PAX7: variants seen among roughly 807,000 people sequenced by gnomAD.
PAX7 encodes the protein paired box 7.
PAX7 carries 18 observed loss-of-function variants against 50.7 expected under a neutral mutation model. The observed-to-expected ratio is 0.36, with a 90% confidence interval of 0.25 to 0.53. The LOEUF (loss-of-function observed/expected upper bound fraction) is 0.53. Among genes scored for constraint, PAX7 ranks in the 20% least tolerant of loss-of-function variants. PAX7 has a pLI of 0.93. For missense variants in PAX7, 644 were observed against 702.9 expected (o/e 0.92, Z 0.95); for synonymous variants, 310 against 290.4 (o/e 1.07, Z -0.69).
chr1:18,735,862 C>T lies in PAX7; in HGVS notation c.1386C>T (p.Tyr462=), dbSNP rs570561092. ...TGGACCCCGTGGCCGGCTATCAGTACGGCCAGTACGGCCAGAGTGAGTGCC... is the reference window on the plus strand; with the variant it reads ...TGGACCCCGTGGCCGGCTATCAGTATGGCCAGTACGGCCAGAGTGAGTGCC... The part of the protein sequence containing the change: ...YSVDPVAGYQ[Y]GQYGQTAVDY... The change falls in exon 8 of 9, where the codon TAC becomes TAT. Residue 462 remains tyrosine, a synonymous_variant. Transcript: ENST00000420770. The surrounding 1 kb of genome is among the most constrained non-coding windows in gnomAD (Gnocchi z 4.0). 4.2e-5 allele frequency: 68 copies of T among 1,614,002 alleles called. No homozygotes were observed. The highest frequency in any genetic ancestry group is 1.6e-4 in the Middle Eastern group (1 of 6,062).
At chr1:18,694,315 C>A (rs2089120804) in intron 5 of PAX7, among the ~76,000 whole-genome samples, 1 of 151,730 alleles carries the variant, frequency 6.6e-6, no homozygotes, top group Non-Finnish European at 1.5e-5. Context: ...CAAAATTAGC[C>A]GGGCATGCTA....
At chr1:18,727,371 T>TACACATAC (rs2089587609) in intron 7 of PAX7, among the ~76,000 whole-genome samples, 34 of 134,082 alleles carry the variant, frequency 2.5e-4, no homozygotes, top group African/African-American at 9.3e-4. Context: ...CTCTCTCTCA[T>TACACATAC]ACACACACAC....
chr1:18,649,010 C>T (rs2100452635), intron 4 of PAX7, among the ~76,000 whole-genome samples: 1 of 152,256 alleles, frequency 6.6e-6, no homozygotes, highest in East Asian at 1.9e-4. Context: ...GGTACTGAGC[C>T]CGTGACTGGC....
Position 18,656,358 on chromosome 1 carries a change from G to A in PAX7, c.586+19987G>A, listed in dbSNP as rs986805512. Among the ~76,000 whole-genome samples the A allele has an allele frequency of 8.5e-5, 13 of 152,228 alleles. No individual in the cohort carries two copies. The East Asian group carries it at 1.9e-3, about 23-fold the overall frequency. On this transcript the variant is annotated intron_variant, in intron 4 of 8. Transcript: ENST00000420770. The stretch of plus-strand genomic sequence containing the variant: ...AAAATACAAAAAACAAATTAGCCAG[G>A]TGAGGTGGTGCACACCTGTAATCCC...
At chr1:18,693,785 G>C (rs1276723402) in intron 5 of PAX7, among the ~76,000 whole-genome samples, 3 of 152,130 alleles carry the variant, frequency 2.0e-5, no homozygotes, top group Admixed American at 2.0e-4. Context: ...GCGCTTTCTC[G>C]TTCCCACGTC....
chr1:18,664,290 C>T (rs2088637051), intron 4 of PAX7, among the ~76,000 whole-genome samples: 1 of 152,230 alleles, frequency 6.6e-6, no homozygotes, highest in East Asian at 1.9e-4. Flanking sequence ...TGATCTCGTG[C>T]CTCTGAGGCG....
In PAX7 at chr1:18,660,943, G is replaced by C. The variant is rs1163196812; in HGVS notation, c.586+24572G>C. ...AAATGGAGCAAAAGCTACTTTGCTC[G>C]TTAGGGTTTTGTAAGGCTGAAGTGA... On this transcript the variant is annotated intron_variant, in intron 4 of 8. Coordinates refer to ENST00000420770, the MANE Select transcript of PAX7 (RefSeq NM_001135254.2). Among the ~76,000 whole-genome samples, 7 of 152,274 alleles carry C rather than the reference G, an allele frequency of 4.6e-5. No homozygotes were observed. In the East Asian group the frequency reaches 1.4e-3, roughly 29 times the overall value.
In PAX7 at chr1:18,726,685, C is replaced by G. The variant is rs1046515686; in HGVS notation, c.1156-8947C>G. Among the ~76,000 whole-genome samples, 3 of 152,214 alleles carry G rather than the reference C, an allele frequency of 2.0e-5. No individual in the cohort carries two copies. The highest frequency in any genetic ancestry group is 7.2e-5 in the African/African-American group (3 of 41,456). ...CTCACAGCCTCTTTTGGCTGCACCT[C>G]CCAGGGTCTCTCCCTCACACACCAG... On this transcript the variant is annotated intron_variant, in intron 7 of 8. Coordinates refer to ENST00000420770, the MANE Select transcript of PAX7 (RefSeq NM_001135254.2). The surrounding 1 kb of genome is among the most constrained non-coding windows in gnomAD (Gnocchi z 4.8).
At chr1:18,730,047 C>T (rs192462441) in intron 7 of PAX7, among the ~76,000 whole-genome samples, 155 of 152,182 alleles carry the variant, frequency 1.0e-3, no homozygotes, top group African/African-American at 3.3e-3. Context: ...CCTTCTAATC[C>T]AGGCAGAAGA....
At chr1:18,644,533 A>T (rs1216029143) in intron 4 of PAX7, among the ~76,000 whole-genome samples, 1 of 152,048 alleles carries the variant, frequency 6.6e-6, no homozygotes, top group African/African-American at 2.4e-5. Context: ...AGAATTTTTC[A>T]TCTAGTATAA....
At position 18,634,230 on chromosome 1, in the gene PAX7, G is replaced by A; in HGVS notation, c.86-73G>A. On this transcript the variant is annotated intron_variant, in intron 1 of 8. Coordinates refer to ENST00000420770, the MANE Select transcript of PAX7 (RefSeq NM_001135254.2). The surrounding 1 kb of genome is among the most constrained non-coding windows in gnomAD (Gnocchi z 4.0). ...TCAAACAAACAAAACTGGAGTCAGGGAGTGTACTCAGTGTCTGCTCTCCAT... is the reference window on the plus strand; with the variant it reads ...TCAAACAAACAAAACTGGAGTCAGGAAGTGTACTCAGTGTCTGCTCTCCAT... The A allele has an allele frequency of 8.1e-7, 1 of 1,227,176 alleles. No individual in the cohort carries two copies. Among genetic ancestry groups the A allele is most frequent in the Non-Finnish European group, 1.2e-6 (1 of 862,484 alleles). 76.0% of individuals were successfully genotyped at this position (1,227,176 alleles called of 1,614,324 possible). A position where few individuals can be genotyped will look rare whatever the true frequency, so the allele number is the denominator to read the frequency against.
intron 6 of PAX7, among the ~76,000 whole-genome samples, chr1:18,701,475 CTTG>C (rs1017225625): frequency 1.3e-5 from 2 of 150,354 alleles, no homozygotes; most frequent in Admixed American, 6.6e-5. Flanking sequence ...TGTGTGTGTA[CTTG>C]TTGGGAAGAT....
rs981805829 is a variant in PAX7, at chr1:18,636,812, A to T, written c.586+441A>T. 2.0e-5 allele frequency among the ~76,000 whole-genome samples: 3 copies of T among 152,224 alleles called. No homozygotes were observed. ...GGAGGAGCCGGCCCGCGGCTCCCTAAATGAATTTGTTAACCAGACCCCCAC... is the reference window on the plus strand; with the variant it reads ...GGAGGAGCCGGCCCGCGGCTCCCTATATGAATTTGTTAACCAGACCCCCAC... On this transcript the variant is annotated intron_variant, in intron 4 of 8. Transcript: ENST00000420770. This position sits in a 1 kb window ranked among gnomAD's most constrained non-coding sequence, Gnocchi z 5.1.
At position 18,747,821 on chromosome 1, in the gene PAX7, A is replaced by G. The variant is rs1931510432; in HGVS notation, c.*2892A>G. 1 of 189,748 alleles carries G rather than the reference A, an allele frequency of 5.3e-6. No individual in the cohort carries two copies. Among genetic ancestry groups the G allele is most frequent in the East Asian group, 8.3e-5 (1 of 12,040 alleles). 11.8% of individuals were successfully genotyped at this position (189,748 alleles called of 1,614,324 possible). A position where few individuals can be genotyped will look rare whatever the true frequency, so the allele number is the denominator to read the frequency against. ...TTTTTATAAATATATATATATACTAAAAAAGGAAAGAAATCCCCCACAGTG... is the reference window on the plus strand; with the variant it reads ...TTTTTATAAATATATATATATACTAGAAAAGGAAAGAAATCCCCCACAGTG... On this transcript the variant is annotated 3_prime_UTR_variant, in exon 9 of 9. Coordinates refer to ENST00000420770, the MANE Select transcript of PAX7 (RefSeq NM_001135254.2).
chr1:18,704,480 C>T (rs945098608), intron 7 of PAX7, among the ~76,000 whole-genome samples: 1 of 152,088 alleles, frequency 6.6e-6, no homozygotes, highest in Admixed American at 6.6e-5. Flanking sequence ...ATTAGCCAGG[C>T]ATGATGGCAG....
rs372504530 is a variant in PAX7 at position 18,745,911 on chromosome 1, G to A, written c.*982G>A. 176 of 231,990 alleles carry A rather than the reference G, an allele frequency of 7.6e-4. 2 individuals carry two copies. Among genetic ancestry groups the A allele is most frequent in the African/African-American group, 3.7e-3 (166 of 45,390 alleles). The allele number at this position is 231,990 out of a possible 1,614,324, so 14.4% of individuals were successfully genotyped here. A position where few individuals can be genotyped will look rare whatever the true frequency, so the allele number is the denominator to read the frequency against. The stretch of plus-strand genomic sequence containing the variant: ...TAACCAGATCCCTCTGTTTGTGGGA[G>A]GGCAAGCCTTTGTTGCCCAAGGCTT... On this transcript the variant is annotated 3_prime_UTR_variant, in exon 9 of 9. Coordinates refer to ENST00000420770, the MANE Select transcript of PAX7 (RefSeq NM_001135254.2).
At chr1:18,692,222 G>A (rs1408271722) in intron 5 of PAX7, among the ~76,000 whole-genome samples, 1 of 152,092 alleles carries the variant, frequency 6.6e-6, no homozygotes, top group Non-Finnish European at 1.5e-5. Context: ...AGGTGGAAGG[G>A]AAAGAAGGAC....
At chr1:18,647,206 G>A (rs1259883026) in intron 4 of PAX7, among the ~76,000 whole-genome samples, 2 of 152,190 alleles carry the variant, frequency 1.3e-5, no homozygotes, top group African/African-American at 4.8e-5. Context: ...GGAGGGGAGG[G>A]GGGCAAAGGA....
intron 7 of PAX7, among the ~76,000 whole-genome samples, chr1:18,715,344 A>G (rs927140446): frequency 3.3e-5 from 5 of 152,244 alleles, no homozygotes; most frequent in African/African-American, 9.6e-5. Flanking sequence ...TAAGTAATAC[A>G]GTATGTCTGT....
Sources: allele counts gnomAD v4.1 joint callset (sites outside exome capture counted in the v4.1 genomes callset), GRCh38; gene constraint gnomAD v4.1.1; non-coding constraint Gnocchi (gnomAD v3.1); transcripts MANE v1.5; gene names NCBI Gene and HGNC (gene_info 2026-07-23, HGNC 2026-07-21).